The following PAF1 variants were observed in gnomAD, a reference collection of about 807,000 sequenced individuals.
PAF1 encodes the protein PAF1 component of Paf1/RNA polymerase II complex.
In PAF1, 31 loss-of-function variants were observed where a neutral mutation model predicts 68.4. The observed-to-expected ratio is 0.45, with a 90% confidence interval of 0.34 to 0.61. The LOEUF (loss-of-function observed/expected upper bound fraction) is 0.61. Among genes scored for constraint, PAF1 ranks in the 20% least tolerant of loss-of-function variants. The pLI is 0.01. For missense variants in PAF1, 435 were observed against 692.9 expected (o/e 0.63, Z 4.18); for synonymous variants, 256 against 240.5 (o/e 1.06, Z -0.60).
rs376141484 is a variant in PAF1, at chr19:39,389,642, T to C, written c.290A>G (p.Asn97Ser). The change falls in exon 4 of 14, where the codon AAT (asparagine) becomes AGT (serine). Residue 97 changes from asparagine (N) to serine (S), a missense_variant and splice_region_variant. Around this residue, in one of 7 missense-constraint regions of PAF1, gnomAD observed 77 missense variants for 118.2 expected, o/e 0.65. Transcript: ENST00000221265. This position sits in a 1 kb window ranked among gnomAD's most constrained non-coding sequence, Gnocchi z 5.3. ...INPDTYRIDP[N>S]VLLDPADEKL... ...ACCCTCCCTGTCTCCCCACACACCA[T>C]TGGGGTCGATGCGGTAGGTGTCAGG... The C allele has an allele frequency of 1.1e-4, 183 of 1,613,944 alleles. No individual in the cohort carries two copies. Among genetic ancestry groups the C allele is most frequent in the Non-Finnish European group, 1.3e-4 (159 of 1,179,958 alleles).
chr19:39,386,194 C>T lies in PAF1; in HGVS notation c.1393G>A (p.Asp465Asn), dbSNP rs766409723. Residue 465 changes from aspartate (D) to asparagine (N), a missense_variant, in exon 14 of 14, where the codon GAC (aspartate) becomes AAC (asparagine). Transcript: ENST00000221265. This position sits in a 1 kb window ranked among gnomAD's most constrained non-coding sequence, Gnocchi z 6.1. ...GSDADSEDDADSDDEDRGQAQ... is the reference protein window; with the variant it reads ...GSDADSEDDANSDDEDRGQAQ... The stretch of plus-strand genomic sequence containing the variant: ...TGTCCTCTGTCCTCATCATCAGAGT[C>T]GGCATCGTCCTCAGAATCAGCATCA... 3.8e-5 allele frequency: 61 copies of T among 1,614,164 alleles called. No individual in the cohort carries two copies. In the Admixed American group the frequency reaches 8.7e-4, roughly 23 times the overall value.
In PAF1 at chr19:39,388,463, C is replaced by A; in HGVS notation, c.862G>T (p.Asp288Tyr). ...EMDYAPDDVY[D>Y]YKIAREYNWN... The stretch of plus-strand genomic sequence containing the variant: ...TTGTACTCCCGAGCAATTTTGTAGT[C>A]ATACCTGAAGATGAGGGCACAGGTT... Residue 288 changes from aspartate (D) to tyrosine (Y), a missense_variant, in exon 11 of 14, where the codon GAC (aspartate) becomes TAC (tyrosine). Physicochemically the swap from Asp to Tyr is radical, Grantham distance 160. Transcript: ENST00000221265. 1 of 1,614,168 alleles carries A rather than the reference C, an allele frequency of 6.2e-7. No homozygotes were observed. The highest frequency in any genetic ancestry group is 1.1e-5 in the South Asian group (1 of 91,068).
intron 1 of PAF1, 70 bp downstream of exon 1, chr19:39,390,748 G>A (rs1403391636): frequency 2.0e-6 from 3 of 1,471,062 alleles, no homozygotes; most frequent in Admixed American, 2.0e-5. Context: ...CCTGGGGGCT[G>A]GTGACGTTGT....
rs1229697418 is a variant in PAF1, at chr19:39,385,845, G to A, written c.*146C>T. The A allele has an allele frequency of 5.8e-6, 7 of 1,197,296 alleles. No homozygotes were observed. Among genetic ancestry groups the A allele is most frequent in the Non-Finnish European group, 5.8e-6 (5 of 866,112 alleles). The allele number at this position is 1,197,296 out of a possible 1,614,324, so 74.2% of individuals were successfully genotyped here. A position where few individuals can be genotyped will look rare whatever the true frequency, so the allele number is the denominator to read the frequency against. ...CTGAATGACATCATAGGGGCTGGGA[G>A]GGGAAGTAAAGAGAAGTTGACTTTA... On this transcript the variant is annotated 3_prime_UTR_variant, in exon 14 of 14. Coordinates refer to ENST00000221265, the MANE Select transcript of PAF1 (RefSeq NM_019088.4).
chr19:39,386,830 G>A lies in PAF1; in HGVS notation c.987-31C>T, dbSNP rs2078261879. The A allele has an allele frequency of 2.0e-6, 3 of 1,480,934 alleles. No individual in the cohort carries two copies. Among genetic ancestry groups the A allele is most frequent in the Admixed American group, 1.7e-5 (1 of 59,844 alleles). The allele number at this position is 1,480,934 out of a possible 1,614,324, so 91.7% of individuals were successfully genotyped here. On this transcript the variant is annotated intron_variant, in intron 11 of 13. Transcript: ENST00000221265. The surrounding 1 kb of genome is among the most constrained non-coding windows in gnomAD (Gnocchi z 6.1). Reference sequence around the variant, plus strand: ...GGGGGTGAATTTGGGAGAGAGAAGTGGAAGATGCAGTTAAAGACACACCTC... The same window carrying A: ...GGGGGTGAATTTGGGAGAGAGAAGTAGAAGATGCAGTTAAAGACACACCTC...
rs1376308371 is a variant in PAF1 at position 39,389,580 on chromosome 19, G to A, written c.293-34C>T. ...GAGCGGGGGGCAGGAGGACCATGAG[G>A]GAGGCCCAGGCCTGAGCCTTTGCTG... On this transcript the variant is annotated intron_variant, in intron 4 of 13. Transcript: ENST00000221265. This position sits in a 1 kb window ranked among gnomAD's most constrained non-coding sequence, Gnocchi z 5.3. 3 of 1,614,102 alleles carry A rather than the reference G, an allele frequency of 1.9e-6. No individual in the cohort carries two copies. The highest frequency in any genetic ancestry group is 2.5e-6 in the Non-Finnish European group (3 of 1,179,952).
intron 11 of PAF1, chr19:39,387,023 G>C: frequency 3.9e-6 from 2 of 513,382 alleles, no homozygotes; most frequent in East Asian, 3.4e-5. Context: ...GCCCTACACT[G>C]TGTGTGTGTG....
In PAF1 at chr19:39,389,386, G is replaced by A. The variant is rs2078322792; in HGVS notation, c.360-3C>T. The A allele has an allele frequency of 1.2e-6, 2 of 1,613,868 alleles. No homozygotes were observed. The highest frequency in any genetic ancestry group is 2.7e-5 in the African/African-American group (2 of 74,924). On this transcript the variant is annotated splice_polypyrimidine_tract_variant and splice_region_variant and intron_variant, in intron 5 of 13. Coordinates refer to ENST00000221265, the MANE Select transcript of PAF1 (RefSeq NM_019088.4). This position sits in a 1 kb window ranked among gnomAD's most constrained non-coding sequence, Gnocchi z 5.3. ...CCACCTTCGCGTGCTGCTGGGATCTGGGGTGGGAAATCAGGTATCTCAGGA... is the reference window on the plus strand; with the variant it reads ...CCACCTTCGCGTGCTGCTGGGATCTAGGGTGGGAAATCAGGTATCTCAGGA...
At position 39,389,369 on chromosome 19, in the gene PAF1, G is replaced by A. The variant is rs758816904; in HGVS notation, c.374C>T (p.Ala125Val). 1 of 1,613,910 alleles carries A rather than the reference G, an allele frequency of 6.2e-7. No homozygotes were observed. The highest frequency in any genetic ancestry group is 1.3e-5 in the African/African-American group (1 of 74,880). The change falls in exon 6 of 14, where the codon GCG becomes GTG. Residue 125 changes from alanine (A) to valine (V), a missense_variant. By Grantham distance (64) the Ala-to-Val change is moderately conservative. Transcript: ENST00000221265. The surrounding 1 kb of genome is among the most constrained non-coding windows in gnomAD (Gnocchi z 5.3). The part of the protein sequence containing the change: ...PTSSKRSQQH[A>V]KVVPWMRKTE... ...CTTTCGCATCCATGGCACCACCTTC[G>A]CGTGCTGCTGGGATCTGGGGTGGGA...
chr19:39,386,396 C>T lies in PAF1; in HGVS notation c.1191G>A (p.Glu397=), dbSNP rs1243529504. ...EEKEAGGSDE[E]QEKGSSSEKE... ...TCTCACTGCTGCTGCCCTTCTCCTG[C>T]TCCTCATCTGGAAGGGAGTGGAGAG... Residue 397 remains glutamate, a synonymous_variant, in exon 14 of 14, where the codon GAG becomes GAA. Transcript: ENST00000221265. The surrounding 1 kb of genome is among the most constrained non-coding windows in gnomAD (Gnocchi z 6.1). 17 of 1,614,138 alleles carry T rather than the reference C, an allele frequency of 1.1e-5. No individual in the cohort carries two copies. Among genetic ancestry groups the T allele is most frequent in the Non-Finnish European group, 1.4e-5 (17 of 1,179,976 alleles).
rs1266879801 is a variant in PAF1 at position 39,386,493 on chromosome 19, G to A, written c.1172C>T (p.Ala391Val). The change falls in exon 13 of 14, where the codon GCT becomes GTT. Residue 391 changes from alanine (A) to valine (V), a missense_variant. Physicochemically the swap from Ala to Val is moderately conservative, Grantham distance 64. This residue lies in a region of PAF1 where 78 missense variants were observed against 80.6 expected (regional missense o/e 0.97). Coordinates refer to ENST00000221265, the MANE Select transcript of PAF1 (RefSeq NM_019088.4). This position sits in a 1 kb window ranked among gnomAD's most constrained non-coding sequence, Gnocchi z 6.1. ...EEEMETEEKE[A>V]GGSDEEQEKG... Reference sequence around the variant, plus strand: ...CTGTCCAGATTTACCTGAGCCCCCAGCTTCTTTCTCTTCTGTCTCCATCTC... The same window carrying A: ...CTGTCCAGATTTACCTGAGCCCCCAACTTCTTTCTCTTCTGTCTCCATCTC... The A allele has an allele frequency of 1.9e-6, 3 of 1,613,998 alleles. No individual in the cohort carries two copies. In the Admixed American group the frequency reaches 5.0e-5, roughly 27 times the overall value.
chr19:39,390,913 G>C lies in PAF1; in HGVS notation c.-49C>G. ...GACGGGGTCCTAGCGGGACCGAAGG[G>C]GGACGCAGAGGGGCGTGCCGACTTC... On this transcript the variant is annotated 5_prime_UTR_variant, in exon 1 of 14. Transcript: ENST00000221265. 1.3e-6 allele frequency: 2 copies of C among 1,536,984 alleles called. No homozygotes were observed. Among genetic ancestry groups the C allele is most frequent in the Non-Finnish European group, 1.8e-6 (2 of 1,134,132 alleles).
chr19:39,389,393 G>A lies in PAF1; in HGVS notation c.360-10C>T. 2 of 1,613,738 alleles carry A rather than the reference G, an allele frequency of 1.2e-6. No homozygotes were observed. The highest frequency in any genetic ancestry group is 8.5e-7 in the Non-Finnish European group (1 of 1,179,674). On this transcript the variant is annotated splice_polypyrimidine_tract_variant and intron_variant, in intron 5 of 13. Coordinates refer to ENST00000221265, the MANE Select transcript of PAF1 (RefSeq NM_019088.4). The surrounding 1 kb of genome is among the most constrained non-coding windows in gnomAD (Gnocchi z 5.3). ...CGCGTGCTGCTGGGATCTGGGGTGGGAAATCAGGTATCTCAGGACCCCACT... is the reference window on the plus strand; with the variant it reads ...CGCGTGCTGCTGGGATCTGGGGTGGAAAATCAGGTATCTCAGGACCCCACT...
Position 39,388,578 on chromosome 19 carries a change from T to TC in PAF1, c.838dup (p.Asp280GlyfsTer6). 1 of 1,613,994 alleles carries TC rather than the reference T, an allele frequency of 6.2e-7. No individual in the cohort carries two copies. The highest frequency in any genetic ancestry group is 8.5e-7 in the Non-Finnish European group (1 of 1,179,854). ...CACGCACACATCATCTGGTGCATAG[T>TC]CCATCTCCTCCTCCTGGTCCCGCTT... On this transcript the variant is annotated frameshift_variant, in exon 10 of 14. Transcript: ENST00000221265. LOFTEE classifies it high-confidence loss of function.
chr19:39,385,837 G>C lies in PAF1; in HGVS notation c.*154C>G, dbSNP rs1350558690. ...GTGCTGGGCTGAATGACATCATAGGGGCTGGGAGGGGAAGTAAAGAGAAGT... is the reference window on the plus strand; with the variant it reads ...GTGCTGGGCTGAATGACATCATAGGCGCTGGGAGGGGAAGTAAAGAGAAGT... On this transcript the variant is annotated 3_prime_UTR_variant, in exon 14 of 14. Transcript: ENST00000221265. 2.4e-5 allele frequency: 27 copies of C among 1,133,698 alleles called. No individual in the cohort carries two copies. The highest frequency in any genetic ancestry group is 3.2e-5 in the Non-Finnish European group (26 of 809,176). The allele number at this position is 1,133,698 out of a possible 1,614,324, so 70.2% of individuals were successfully genotyped here. A position where few individuals can be genotyped will look rare whatever the true frequency, so the allele number is the denominator to read the frequency against.
rs779845536 is a variant in PAF1 at position 39,388,586 on chromosome 19, C to G, written c.831G>C (p.Glu277Asp). 6.2e-7 allele frequency: 1 copy of G among 1,614,170 alleles called. No individual in the cohort carries two copies. Among genetic ancestry groups the G allele is most frequent in the South Asian group, 1.1e-5 (1 of 91,084 alleles). The part of the protein sequence containing the change: ...TLKKRKRDQE[E>D]EMDYAPDDVY... ...CATCATCTGGTGCATAGTCCATCTC[C>G]TCCTCCTGGTCCCGCTTTCGTTTCT... Residue 277 changes from glutamate to aspartate, a missense_variant, in exon 10 of 14, where the codon GAG becomes GAC. Physicochemically the swap from Glu to Asp is conservative, Grantham distance 45 (BLOSUM62 2). Transcript: ENST00000221265.
In PAF1 at chr19:39,388,980, C is replaced by T. The variant is rs763597219; in HGVS notation, c.603G>A (p.Pro201=). Residue 201 remains proline, a synonymous_variant, in exon 8 of 14, where the codon CCG becomes CCA. Coordinates refer to ENST00000221265, the MANE Select transcript of PAF1 (RefSeq NM_019088.4). ...CTGGGAAGACAGGCATGACCTCCACCGGTGTGACTCGGGGTTTGCTGTAAT... is the reference window on the plus strand; with the variant it reads ...CTGGGAAGACAGGCATGACCTCCACTGGTGTGACTCGGGGTTTGCTGTAAT... The part of the protein sequence containing the change: ...SQHYSKPRVT[P]VEVMPVFPDF... 26 of 1,613,990 alleles carry T rather than the reference C, an allele frequency of 1.6e-5. No individual in the cohort carries two copies. Among genetic ancestry groups the T allele is most frequent in the South Asian group, 9.9e-5 (9 of 91,076 alleles).
In PAF1 at chr19:39,389,892, G is replaced by T; in HGVS notation, c.171-131C>A. Reference sequence around the variant, plus strand: ...TCCCCCATGGCAGAGTCTGAAAGCTGGCTCCCCAGTGGGAAGGGACTTGGA... The same window carrying T: ...TCCCCCATGGCAGAGTCTGAAAGCTTGCTCCCCAGTGGGAAGGGACTTGGA... On this transcript the variant is annotated intron_variant, in intron 3 of 13. Coordinates refer to ENST00000221265, the MANE Select transcript of PAF1 (RefSeq NM_019088.4). The surrounding 1 kb of genome is among the most constrained non-coding windows in gnomAD (Gnocchi z 5.3). The T allele has an allele frequency of 7.6e-7, 1 of 1,316,674 alleles. No homozygotes were observed. The highest frequency in any genetic ancestry group is 1.1e-6 in the Non-Finnish European group (1 of 920,218). 81.6% of individuals were successfully genotyped at this position (1,316,674 alleles called of 1,614,324 possible).
chr19:39,386,896 G>GT lies in PAF1; in HGVS notation c.987-98dup. 1.2e-6 allele frequency: 1 copy of GT among 801,712 alleles called. No individual in the cohort carries two copies. Among genetic ancestry groups the GT allele is most frequent in the African/African-American group, 1.7e-5 (1 of 59,340 alleles). The allele number at this position is 801,712 out of a possible 1,614,324, so 49.7% of individuals were successfully genotyped here. On this transcript the variant is annotated intron_variant, in intron 11 of 13. Transcript: ENST00000221265. The surrounding 1 kb of genome is among the most constrained non-coding windows in gnomAD (Gnocchi z 6.1). ...CCAGTGAGGGGTCTGGTCTGACTTG[G>GT]TTCCCCATCAATACTTAGAGTAAAT...
Sources: gnomAD v4.1 joint callset for allele counts on GRCh38, gnomAD v4.1.1 for gene constraint, gnomAD v4.1.1 regional missense constraint, Gnocchi (gnomAD v3.1) non-coding constraint, MANE v1.5 for transcripts, NCBI Gene and HGNC (gene_info 2026-07-23, HGNC 2026-07-21) for gene names.